Variants in DLEC1 observed in about 807,000 individuals in gnomAD.
The protein encoded by DLEC1 is DLEC1 cilia and flagella associated protein, also known as deleted in lung and esophageal cancer protein 1.
A neutral mutation model predicts 198.1 loss-of-function variants in DLEC1; 146 were observed. The observed-to-expected ratio is 0.74, with a 90% CI of 0.64 to 0.85. The LOEUF (loss-of-function observed/expected upper bound fraction) is 0.85, where lower values mean the gene tolerates loss of function less well. Among genes scored for constraint, DLEC1 ranks in the 40% least tolerant of loss-of-function variants. The pLI is 0.00. For missense variants in DLEC1, 2,233 were observed against 2,220.0 expected, an observed-to-expected ratio of 1.01 and a Z score of -0.12; for synonymous variants, 897 against 866.8, an observed-to-expected ratio of 1.03 and a Z score of -0.61.
chr3:38,086,455 T>C (rs1698461807), intron 9 of DLEC1, 78 bp downstream of exon 9: 13 of 1,516,982 alleles, frequency 8.6e-6, no homozygotes, highest in Non-Finnish European at 1.1e-5. Context: ...CTTACTAGAG[T>C]ATACCTATGA....
intron 6 of DLEC1, among the ~76,000 whole-genome samples, chr3:38,071,270 C>T (rs1319356234): frequency 6.6e-6 from 1 of 152,156 alleles, no homozygotes; most frequent in Non-Finnish European, 1.5e-5. Context: ...TATTAAAGGA[C>T]TAAGAATTGG....
In DLEC1 at chr3:38,117,044, C is replaced by T; in HGVS notation, c.4249C>T (p.Leu1417=). ...CCCTATGGTGCTCAGCCCTGAGATC[C>T]TGCACAAGGTGGAGTGTACTGGCTA... ...FTPMVLSPEI[L]HKVECTGYAL... The change falls in exon 30 of 37, where the codon CTG becomes TTG. Residue 1417 remains leucine, a synonymous_variant. Coordinates refer to ENST00000308059, the MANE Select transcript of DLEC1 (RefSeq NM_007335.4). 6.2e-7 allele frequency: 1 copy of T among 1,614,118 alleles called. No individual in the cohort carries two copies. The highest frequency in any genetic ancestry group is 1.3e-5 in the African/African-American group (1 of 75,044).
intron 1 of DLEC1, among the ~76,000 whole-genome samples, chr3:38,042,969 T>A (rs1035435637): frequency 4.6e-5 from 7 of 152,214 alleles, no homozygotes; most frequent in Non-Finnish European, 1.0e-4. Flanking sequence ...TGTACAGGAC[T>A]CAGATTCATT....
In DLEC1 at chr3:38,075,157, C is replaced by T. The variant is rs111312205; in HGVS notation, c.1174-9001C>T. 2.1e-3 allele frequency among the ~76,000 whole-genome samples: 326 copies of T among 151,924 alleles called. 3 individuals carry two copies. The highest frequency in any genetic ancestry group is 6.6e-3 in the African/African-American group (275 of 41,418). Reference sequence around the variant, plus strand: ...AAGGAAGACTGGAAAGATTCAACGACGCTTGGGGTTGGGACTGAGGGGGCA... The same window carrying T: ...AAGGAAGACTGGAAAGATTCAACGATGCTTGGGGTTGGGACTGAGGGGGCA... On this transcript the variant is annotated intron_variant, in intron 6 of 36. Transcript: ENST00000308059.
intron 6 of DLEC1, among the ~76,000 whole-genome samples, chr3:38,072,259 G>A (rs376433833): frequency 1.2e-3 from 176 of 152,304 alleles, no homozygotes; most frequent in African/African-American, 4.2e-3. Flanking sequence ...GAAAGTATAT[G>A]CGTCAGGTGT....
chr3:38,074,655 C>T (rs1316236516), intron 6 of DLEC1, among the ~76,000 whole-genome samples: 1 of 152,184 alleles, frequency 6.6e-6, no homozygotes, highest in African/African-American at 2.4e-5. Flanking sequence ...TGGGGAACTG[C>T]TCTAATGCCT....
intron 7 of DLEC1, among the ~76,000 whole-genome samples, chr3:38,084,696 C>G (rs1698346624): frequency 6.7e-6 from 1 of 150,112 alleles, no homozygotes; most frequent in Non-Finnish European, 1.5e-5. Flanking sequence ...CCTGAGTCTA[C>G]AGCCTGGGCC....
chr3:38,051,320 G>A (rs758820536), intron 2 of DLEC1, among the ~76,000 whole-genome samples: 9 of 152,334 alleles, frequency 5.9e-5, no homozygotes, highest in Middle Eastern at 6.8e-3. Context: ...CGGCAGTGGC[G>A]CAGAGGCCTC....
At position 38,052,260 on chromosome 3, in the gene DLEC1, G is replaced by A. The variant is rs574641078; in HGVS notation, c.562+6567G>A. On this transcript the variant is annotated intron_variant, in intron 2 of 36. Coordinates refer to ENST00000308059, the MANE Select transcript of DLEC1 (RefSeq NM_007335.4). ...ACCTGATGACCAGAGACTCCCTGTT[G>A]GTGAAGGTGTGGGACCTCAACATAG... is the stretch of plus-strand genomic sequence containing the variant. 1.0e-3 allele frequency: 487 copies of A among 482,610 alleles called. 12 individuals carry two copies. The highest frequency in any genetic ancestry group is 8.2e-3 in the South Asian group (461 of 56,254). 29.9% of individuals were successfully genotyped at this position (482,610 alleles called of 1,614,324 possible).
At chr3:38,085,581 A>G in intron 8 of DLEC1, 134 bp downstream of exon 8, 1 of 1,045,306 alleles carries the variant, frequency 9.6e-7, no homozygotes, top group East Asian at 2.4e-5. Context: ...GGTCCTGCAG[A>G]GGAAACTGCT....
chr3:38,064,013 T>C (rs1421800989), intron 6 of DLEC1, 94 bp downstream of exon 6: 13 of 890,428 alleles, frequency 1.5e-5, no homozygotes, highest in Admixed American at 5.5e-5. Context: ...TTTTCTTTTT[T>C]TTTTTTTTTT....
chr3:38,117,695 T>G, intron 32 of DLEC1, 84 bp downstream of exon 32: 3 of 1,602,180 alleles, frequency 1.9e-6, no homozygotes, highest in Non-Finnish European at 8.5e-7. Context: ...TCAGGCCTTA[T>G]AGTCTGAGCC....
intron 6 of DLEC1, among the ~76,000 whole-genome samples, chr3:38,070,666 G>A (rs1225954335): frequency 6.6e-6 from 1 of 152,114 alleles, no homozygotes; most frequent in African/African-American, 2.4e-5. Flanking sequence ...AGTCAAAGGG[G>A]GTTTGTTCTC....
At chr3:38,115,686 A>G (rs1032637629) in intron 27 of DLEC1, among the ~76,000 whole-genome samples, 1 of 152,064 alleles carries the variant, frequency 6.6e-6, no homozygotes, top group African/African-American at 2.4e-5. Flanking sequence ...GATGGGTTCG[A>G]TGCAGGCAGA....
intron 6 of DLEC1, among the ~76,000 whole-genome samples, chr3:38,076,821 A>G (rs560366130): frequency 6.6e-6 from 1 of 152,298 alleles, no homozygotes; most frequent in East Asian, 1.9e-4. Flanking sequence ...GGGGGATGGT[A>G]TGGAGCGATA....
rs952532147 is a variant in DLEC1 at position 38,117,736 on chromosome 3, A to C, written c.4486-70A>C. On this transcript the variant is annotated intron_variant, in intron 32 of 36. Coordinates refer to ENST00000308059, the MANE Select transcript of DLEC1 (RefSeq NM_007335.4). ...CCCCTCCCCCAGCCCTCCCAGCCCTACCCTAGAGCCATGGGGTTGAAGAGA... is the reference window on the plus strand; with the variant it reads ...CCCCTCCCCCAGCCCTCCCAGCCCTCCCCTAGAGCCATGGGGTTGAAGAGA... 1.0e-5 allele frequency: 16 copies of C among 1,596,660 alleles called. No individual in the cohort carries two copies. In the African/African-American group the frequency reaches 1.5e-4, roughly 15 times the overall value.
At chr3:38,041,862 A>G (rs887068284) in intron 1 of DLEC1, among the ~76,000 whole-genome samples, 2 of 151,932 alleles carry the variant, frequency 1.3e-5, no homozygotes, top group African/African-American at 2.4e-5. Flanking sequence ...AAAAAAAAAA[A>G]AAAAGAAATA....
chr3:38,098,158 T>C (rs964975000), intron 18 of DLEC1, among the ~76,000 whole-genome samples: 9 of 152,272 alleles, frequency 5.9e-5, no homozygotes, highest in Middle Eastern at 6.8e-3. Flanking sequence ...AAATAGGGCG[T>C]GGGTTTCTCC....
Position 38,123,380 on chromosome 3 carries a change from G to A in DLEC1, c.*968G>A. ...CATCCTAAGTTCAGGGTGTTTCTGT[G>A]TGCATGTTCCCCTCCCCAGGGATCG... On this transcript the variant is annotated 3_prime_UTR_variant, in exon 37 of 37. Transcript: ENST00000308059. The A allele has an allele frequency of 2.1e-6, 1 of 468,100 alleles. No individual in the cohort carries two copies. The highest frequency in any genetic ancestry group is 3.8e-6 in the Non-Finnish European group (1 of 260,540). 29.0% of individuals were successfully genotyped at this position (468,100 alleles called of 1,614,324 possible).
Sources: allele counts gnomAD v4.1 joint callset (sites outside exome capture counted in the v4.1 genomes callset), GRCh38; gene constraint gnomAD v4.1.1; transcripts MANE v1.5; gene names NCBI Gene and HGNC (gene_info 2026-07-23, HGNC 2026-07-21).